SGK3: variants seen among roughly 807,000 people sequenced by gnomAD.
The protein encoded by SGK3 is serum/glucocorticoid regulated kinase family member 3.
Under a neutral mutation model 68.5 loss-of-function variants are expected in SGK3, and 47 were observed. The observed-to-expected ratio is 0.69, with a 90% CI of 0.54 to 0.87. The LOEUF is 0.87. SGK3 is among the 40% of genes least tolerant of loss of function. SGK3 has a pLI of 0.00. For missense variants in SGK3, 479 were observed against 575.5 expected, an observed-to-expected ratio of 0.83 and a Z score of 1.72; for synonymous variants, 181 against 189.1, an observed-to-expected ratio of 0.96 and a Z score of 0.35.
intron 15 of SGK3, among the ~76,000 whole-genome samples, chr8:66,850,218 G>A (rs1045449908): frequency 1.3e-5 from 2 of 152,124 alleles, no homozygotes; most frequent in African/African-American, 4.8e-5. Flanking sequence ...TCAGACCTCT[G>A]GTGAGATACC....
At chr8:66,840,909 T>C in intron 12 of SGK3, 115 bp from the exon 13 acceptor site, 1 of 642,196 alleles carries the variant, frequency 1.6e-6, no homozygotes, top group South Asian at 3.3e-5. Flanking sequence ...ACCACTGCAC[T>C]CCAGCCTGGG....
At chr8:66,719,735 G>A (rs1804744857) in intron 1 of SGK3, among the ~76,000 whole-genome samples, 1 of 151,978 alleles carries the variant, frequency 6.6e-6, no homozygotes, top group Non-Finnish European at 1.5e-5. Context: ...TATTTCTGTT[G>A]CTGACATATA....
chr8:66,779,588 ATATATATATAT>A (rs1253523424), intron 1 of SGK3, among the ~76,000 whole-genome samples: 9 of 137,458 alleles, frequency 6.5e-5, no homozygotes, highest in African/African-American at 2.4e-4. Flanking sequence ...ATATATATAT[ATATATATATAT>A]ATAAAACACA....
chr8:66,813,258 G>A (rs1392902851), intron 4 of SGK3, among the ~76,000 whole-genome samples: 1 of 151,938 alleles, frequency 6.6e-6, no homozygotes, highest in Non-Finnish European at 1.5e-5. Flanking sequence ...AATCTCAGAC[G>A]AAAAAAGAAA....
Position 66,818,310 on chromosome 8 carries a change from A to G in SGK3, c.330-4062A>G, listed in dbSNP as rs143802517. Among the ~76,000 whole-genome samples the G allele has an allele frequency of 3.5e-4, 53 of 152,346 alleles. 1 individual carries two copies. The East Asian group carries it at 9.8e-3, about 28-fold the overall frequency. The stretch of plus-strand genomic sequence containing the variant: ...AACAAAACAGAACAAAACACATTGA[A>G]TGGTTCACAAAGAAGGACACAGAAA... On this transcript the variant is annotated intron_variant, in intron 5 of 16. Transcript: ENST00000521198.
At chr8:66,821,607 G>A (rs912454165) in intron 5 of SGK3, among the ~76,000 whole-genome samples, 2 of 151,558 alleles carry the variant, frequency 1.3e-5, no homozygotes, top group Non-Finnish European at 2.9e-5. Flanking sequence ...CCGCCTCCCG[G>A]GCTCACACCA....
chr8:66,798,707 A>G (rs1807804842), intron 3 of SGK3, 82 bp downstream of exon 3: 1 of 1,173,818 alleles, frequency 8.5e-7, no homozygotes, highest in Non-Finnish European at 1.2e-6. Context: ...TTGAATGATT[A>G]AATTGATACT....
chr8:66,846,166 T>A (rs17423218), intron 14 of SGK3, among the ~76,000 whole-genome samples: 1 of 152,204 alleles, frequency 6.6e-6, no homozygotes, highest in African/African-American at 2.4e-5. Context: ...AAAATGTTTC[T>A]GGTGCTCTGG....
intron 16 of SGK3, among the ~76,000 whole-genome samples, chr8:66,858,899 G>A (rs1313074390): frequency 6.6e-5 from 10 of 152,154 alleles, no homozygotes; most frequent in Non-Finnish European, 1.5e-4. Flanking sequence ...GGACACCCCT[G>A]TTTTAGGAGG....
chr8:66,750,170 G>T (rs766103042), intron 1 of SGK3, among the ~76,000 whole-genome samples: 3 of 151,992 alleles, frequency 2.0e-5, no homozygotes, highest in Non-Finnish European at 4.4e-5. Flanking sequence ...GTCAATAATG[G>T]CTATCATGAT....
At chr8:66,724,065 TA>T (rs1313299056) in intron 1 of SGK3, among the ~76,000 whole-genome samples, 2 of 152,216 alleles carry the variant, frequency 1.3e-5, no homozygotes, top group Non-Finnish European at 2.9e-5. Context: ...TTGCTAACAT[TA>T]ACATAATTTA....
intron 5 of SGK3, among the ~76,000 whole-genome samples, chr8:66,821,969 A>G (rs918938571): frequency 3.0e-5 from 4 of 133,246 alleles, no homozygotes; most frequent in African/African-American, 1.2e-4. Context: ...CAATATTTGA[A>G]CATTTCTCTT....
chr8:66,817,398 T>C (rs983633114), intron 5 of SGK3, among the ~76,000 whole-genome samples: 7 of 150,398 alleles, frequency 4.7e-5, no homozygotes, highest in African/African-American at 1.5e-4. Flanking sequence ...GCCACTGCAC[T>C]CCAGCCTGGC....
intron 1 of SGK3, among the ~76,000 whole-genome samples, chr8:66,776,088 C>A (rs1806700199): frequency 6.6e-6 from 1 of 152,166 alleles, no homozygotes. Context: ...ACCGGAAAAC[C>A]TACGTATATT....
chr8:66,751,740 C>T (rs1288039514), intron 1 of SGK3, among the ~76,000 whole-genome samples: 6 of 142,328 alleles, frequency 4.2e-5, no homozygotes, highest in East Asian at 2.1e-4. Flanking sequence ...AAAAATCATT[C>T]ATTTTATTTA....
chr8:66,847,451 G>A lies in SGK3; in HGVS notation c.1230+103G>A, dbSNP rs541453254. ...ATTTAATGGAATGAATACAATATGC[G>A]GAGAATAGCAACATGGAAAAAAAGC... On this transcript the variant is annotated intron_variant, in intron 15 of 16. Transcript: ENST00000521198. 1.5e-4 allele frequency: 217 copies of A among 1,475,912 alleles called. No homozygotes were observed. The African/African-American group carries it at 2.0e-3, about 14-fold the overall frequency. 91.4% of individuals were successfully genotyped at this position (1,475,912 alleles called of 1,614,324 possible). A position where few individuals can be genotyped will look rare whatever the true frequency, so the allele number is the denominator to read the frequency against.
intron 13 of SGK3, among the ~76,000 whole-genome samples, chr8:66,843,162 C>T (rs2130730076): frequency 6.6e-6 from 1 of 152,238 alleles, no homozygotes; most frequent in African/African-American, 2.4e-5. Flanking sequence ...CCACAAATAC[C>T]TACATCACCT....
intron 1 of SGK3, among the ~76,000 whole-genome samples, chr8:66,738,119 T>C (rs1381108493): frequency 6.6e-6 from 1 of 152,164 alleles, no homozygotes; most frequent in Non-Finnish European, 1.5e-5. Flanking sequence ...CAATTTATGG[T>C]CTCATCATCC....
intron 1 of SGK3, among the ~76,000 whole-genome samples, chr8:66,748,688 AACTCTCTACCCTG>A (rs1205993972): frequency 6.6e-6 from 1 of 152,066 alleles, no homozygotes; most frequent in Non-Finnish European, 1.5e-5. Context: ...GAGATCAATA[AACTCTCTACCCTG>A]ACAAGTAGAA....
Sources: allele counts gnomAD v4.1 joint callset (sites outside exome capture counted in the v4.1 genomes callset), GRCh38; gene constraint gnomAD v4.1.1; transcripts MANE v1.5; gene names NCBI Gene and HGNC (gene_info 2026-07-23, HGNC 2026-07-21).